Variants in ERBB2 observed in about 807,000 individuals in gnomAD.
The protein encoded by ERBB2 is erb-b2 receptor tyrosine kinase 2.
A neutral mutation model predicts 149.0 loss-of-function variants in ERBB2; 61 were observed. That is an observed-to-expected ratio of 0.41 (90% CI 0.33 to 0.51). The LOEUF (loss-of-function observed/expected upper bound fraction) is 0.51. Among genes scored for constraint, ERBB2 ranks in the 20% least tolerant of loss-of-function variants. ERBB2 has a pLI of 0.25. For synonymous variants in ERBB2, 633 were observed against 678.8 expected, an observed-to-expected ratio of 0.93 and a Z score of 1.05; for missense variants, 1,205 against 1,655.1, an observed-to-expected ratio of 0.73 and a Z score of 4.72.
At chr17:39,702,103 T>C (rs560926966) in intron 1 of ERBB2, among the ~76,000 whole-genome samples, 3 of 152,136 alleles carry the variant, frequency 2.0e-5, no homozygotes, top group Admixed American at 2.0e-4. Context: ...AAAAAGTCAT[T>C]GCACAGCCTG....
chr17:39,712,540 A>T, intron 9 of ERBB2, 92 bp downstream of exon 9: 1 of 1,470,192 alleles, frequency 6.8e-7, no homozygotes, highest in Non-Finnish European at 9.3e-7. Flanking sequence ...ATGGCAGGAG[A>T]CAGAAGTGGG....
At chr17:39,707,535 C>T (rs904883570) in intron 2 of ERBB2, 82 of 174,614 alleles carry the variant, frequency 4.7e-4, no homozygotes, top group African/African-American at 1.8e-3. Flanking sequence ...GTGGCCTACA[C>T]CCCCTTAGCT....
upstream of ERBB2, among the ~76,000 whole-genome samples, chr17:39,698,528 G>A (rs1039304075): frequency 3.9e-5 from 6 of 152,112 alleles, no homozygotes; most frequent in African/African-American, 1.2e-4. Flanking sequence ...CAAAGTGCTG[G>A]AATTACAGGT....
In ERBB2 at chr17:39,727,746, T is replaced by G. The variant is rs757037466; in HGVS notation, c.3470T>G (p.Leu1157Arg). 106 of 1,595,710 alleles carry G rather than the reference T, an allele frequency of 6.6e-5. No homozygotes were observed. Among genetic ancestry groups the G allele is most frequent in the Non-Finnish European group, 8.7e-5 (102 of 1,168,970 alleles). The change falls in exon 27 of 27, where the codon CTG (leucine) becomes CGG (arginine). Residue 1157 changes from leucine to arginine, a missense_variant. Leu to Arg is a moderately radical substitution (Grantham distance 102). This residue lies in a region of ERBB2 where 312 missense variants were observed against 343.8 expected (regional missense o/e 0.91). Coordinates refer to ENST00000269571, the MANE Select transcript of ERBB2 (RefSeq NM_004448.4). The surrounding 1 kb of genome is among the most constrained non-coding windows in gnomAD (Gnocchi z 4.3). ...PQPPSPREGP[L>R]PAARPAGATL... is the part of the protein sequence containing the mutation. ...CCCCCTTCGCCCCGAGAGGGCCCTC[T>G]GCCTGCTGCCCGACCTGCTGGTGCC...
rs767717383 is a variant in ERBB2, at chr17:39,727,713, G to A, written c.3437G>A (p.Arg1146Gln). 53 of 1,557,994 alleles carry A rather than the reference G, an allele frequency of 3.4e-5. No homozygotes were observed. Among genetic ancestry groups the A allele is most frequent in the Non-Finnish European group, 4.1e-5 (47 of 1,152,428 alleles). Residue 1146 changes from arginine (R) to glutamine (Q), a missense_variant, in exon 27 of 27, where the codon CGG becomes CAG. Coordinates refer to ENST00000269571, the MANE Select transcript of ERBB2 (RefSeq NM_004448.4). The surrounding 1 kb of genome is among the most constrained non-coding windows in gnomAD (Gnocchi z 4.3). ...QPEYVNQPDV[R>Q]PQPPSPREGP... The stretch of plus-strand genomic sequence containing the variant: ...GAATATGTGAACCAGCCAGATGTTC[G>A]GCCCCAGCCCCCTTCGCCCCGAGAG...
At position 39,717,313 on chromosome 17, in the gene ERBB2, C is replaced by A. The variant is rs369625870; in HGVS notation, c.1738-7C>A. Reference sequence around the variant, plus strand: ...AGCCCCCCACAAATCTTTTCTGCCCCCCCCAGGAGGCTGACCAGTGTGTGG... The same window carrying A: ...AGCCCCCCACAAATCTTTTCTGCCCACCCCAGGAGGCTGACCAGTGTGTGG... On this transcript the variant is annotated splice_polypyrimidine_tract_variant and splice_region_variant and intron_variant, in intron 14 of 26. Transcript: ENST00000269571. 49 of 1,595,036 alleles carry A rather than the reference C, an allele frequency of 3.1e-5. No individual in the cohort carries two copies. Among genetic ancestry groups the A allele is most frequent in the East Asian group, 1.1e-4 (5 of 44,202 alleles).
In ERBB2 at chr17:39,709,254, G is replaced by A. The variant is rs542736578; in HGVS notation, c.440-64G>A. ...TGCTCCTCTTTTAGAAGGCAGGAGG[G>A]CCCCAAGGGAAGCAGAAGGTGACAG... On this transcript the variant is annotated intron_variant, in intron 3 of 26. Transcript: ENST00000269571. 6.9e-6 allele frequency: 11 copies of A among 1,593,022 alleles called. No individual in the cohort carries two copies. In the South Asian group the frequency reaches 1.1e-4, roughly 16 times the overall value.
upstream of ERBB2, among the ~76,000 whole-genome samples, chr17:39,697,354 G>GTTTTTTTTT (rs60262818): frequency 8.2e-6 from 1 of 122,138 alleles, no homozygotes. Flanking sequence ...TTTTTGTTTT[G>GTTTTTTTTT]TTTTTTTTTT....
rs2145652788 is a variant in ERBB2 at position 39,715,785 on chromosome 17, G to A, written c.1359G>A (p.Leu453=). ...LTLQGLGISW[L]GLRSLRELGS... Reference sequence around the variant, plus strand: ...TGCAAGGGCTGGGCATCAGCTGGCTGGGGCTGCGCTCACTGAGGGAACTGG... The same window carrying A: ...TGCAAGGGCTGGGCATCAGCTGGCTAGGGCTGCGCTCACTGAGGGAACTGG... Residue 453 remains leucine (L), a synonymous_variant, in exon 12 of 27, where the codon CTG becomes CTA. Coordinates refer to ENST00000269571, the MANE Select transcript of ERBB2 (RefSeq NM_004448.4). 2 of 1,609,096 alleles carry A rather than the reference G, an allele frequency of 1.2e-6. No individual in the cohort carries two copies. The highest frequency in any genetic ancestry group is 8.5e-7 in the Non-Finnish European group (1 of 1,180,014).
chr17:39,725,691 C>G lies in ERBB2; in HGVS notation c.2726-16C>G, dbSNP rs2059717367. On this transcript the variant is annotated splice_polypyrimidine_tract_variant and intron_variant, in intron 22 of 26. Coordinates refer to ENST00000269571, the MANE Select transcript of ERBB2 (RefSeq NM_004448.4). This position sits in a 1 kb window ranked among gnomAD's most constrained non-coding sequence, Gnocchi z 4.6. Reference sequence around the variant, plus strand: ...TCCCTCTGGCCCTCCCACTCCTGACCCTGTCTCTGCCTTAGGTGTGACTGT... The same window carrying G: ...TCCCTCTGGCCCTCCCACTCCTGACGCTGTCTCTGCCTTAGGTGTGACTGT... 1 of 1,601,756 alleles carries G rather than the reference C, an allele frequency of 6.2e-7. No homozygotes were observed. Among genetic ancestry groups the G allele is most frequent in the Non-Finnish European group, 8.5e-7 (1 of 1,173,466 alleles).
intron 1 of ERBB2, among the ~76,000 whole-genome samples, chr17:39,704,163 C>G (rs186655624): frequency 7.9e-5 from 12 of 152,150 alleles, no homozygotes; most frequent in Non-Finnish European, 1.8e-4. Flanking sequence ...TCTAGCGCTC[C>G]CTGTGGCTGG....
chr17:39,714,862 C>G (rs762927491), intron 9 of ERBB2, among the ~76,000 whole-genome samples: 4 of 148,570 alleles, frequency 2.7e-5, no homozygotes, highest in South Asian at 2.1e-4. Flanking sequence ...CTCTGCCTCC[C>G]GGGTTCAAGT....
chr17:39,726,883 C>T lies in ERBB2; in HGVS notation c.3039C>T (p.Asp1013=), dbSNP rs1206318402. The T allele has an allele frequency of 1.9e-6, 3 of 1,614,014 alleles. No homozygotes were observed. In the Admixed American group the frequency reaches 5.0e-5, roughly 27 times the overall value. The change falls in exon 25 of 27, where the codon GAC becomes GAT. Residue 1013 remains aspartate (D), a synonymous_variant. Transcript: ENST00000269571. This position sits in a 1 kb window ranked among gnomAD's most constrained non-coding sequence, Gnocchi z 5.1. ...TFYRSLLEDD[D]MGDLVDAEEY... ...ACCGCTCACTGCTGGAGGACGATGACATGGGGGACCTGGTGGATGCTGAGG... is the reference window on the plus strand; with the variant it reads ...ACCGCTCACTGCTGGAGGACGATGATATGGGGGACCTGGTGGATGCTGAGG...
At chr17:39,718,772 G>A (rs1049739331) in intron 15 of ERBB2, among the ~76,000 whole-genome samples, 1 of 151,988 alleles carries the variant, frequency 6.6e-6, no homozygotes, top group Non-Finnish European at 1.5e-5. Flanking sequence ...CTGTAACATG[G>A]ATGTAATTTC....
At position 39,728,420 on chromosome 17, in the gene ERBB2, C is replaced by G. The variant is rs762528320; in HGVS notation, c.*376C>G. ...AGGGAGTGTCTAAGAACAAAAGCGA[C>G]CCATTCAGAGACTGTCCCTGAAACC... On this transcript the variant is annotated 3_prime_UTR_variant, in exon 27 of 27. Transcript: ENST00000269571. 5 of 269,226 alleles carry G rather than the reference C, an allele frequency of 1.9e-5. No homozygotes were observed. The highest frequency in any genetic ancestry group is 2.8e-5 in the Non-Finnish European group (4 of 142,028). 16.7% of individuals were successfully genotyped at this position (269,226 alleles called of 1,614,324 possible).
At chr17:39,711,145 C>G (rs779647830) in intron 7 of ERBB2, among the ~76,000 whole-genome samples, 4 of 152,070 alleles carry the variant, frequency 2.6e-5, no homozygotes, top group South Asian at 2.1e-4. Flanking sequence ...GGCGATCCAC[C>G]TGCCTCGGCC....
intron 2 of ERBB2, chr17:39,708,091 G>A (rs551434294): frequency 6.3e-6 from 3 of 479,148 alleles, no homozygotes; most frequent in Admixed American, 7.2e-5. Flanking sequence ...GCACCTGTTC[G>A]GAGTTTATGA....
chr17:39,719,744 A>C (rs776330628), intron 15 of ERBB2, 43 bp from the exon 16 acceptor site: 7 of 1,604,360 alleles, frequency 4.4e-6, no homozygotes, highest in Non-Finnish European at 6.0e-6. Flanking sequence ...GGTTCCCAAG[A>C]GGGTGGTTCC....
intron 15 of ERBB2, among the ~76,000 whole-genome samples, chr17:39,719,063 C>G (rs1391025722): frequency 6.6e-6 from 1 of 152,084 alleles, no homozygotes; most frequent in Non-Finnish European, 1.5e-5. Context: ...GAGTTCAAGA[C>G]CAGCCTGGCC....
Sources: gnomAD v4.1 joint callset for allele counts (sites outside exome capture counted in the v4.1 genomes callset) on GRCh38, gnomAD v4.1.1 for gene constraint, gnomAD v4.1.1 regional missense constraint, Gnocchi (gnomAD v3.1) non-coding constraint, MANE v1.5 for transcripts, NCBI Gene and HGNC (gene_info 2026-07-23, HGNC 2026-07-21) for gene names.